The following ASB15 variants were observed in gnomAD, a reference collection of about 807,000 sequenced individuals.
ASB15 encodes ankyrin repeat and SOCS box protein 15.
In ASB15, 54 loss-of-function variants were observed where a neutral mutation model predicts 58.0. The ratio of observed to expected loss-of-function variants is 0.93; its 90% CI spans 0.75 to 1.17. The LOEUF is 1.17. ASB15 is among the 50% of genes most tolerant of loss of function. ASB15 has a pLI of 0.00. For missense variants in ASB15, 680 were observed against 707.4 expected (o/e 0.96, Z 0.44); for synonymous variants, 249 against 262.4 (o/e 0.95, Z 0.50).
intron 1 of ASB15, among the ~76,000 whole-genome samples, chr7:123,570,318 G>A (rs1798874730): frequency 6.6e-6 from 1 of 152,034 alleles, no homozygotes; most frequent in Non-Finnish European, 1.5e-5. Context: ...TTACAGGCGT[G>A]AGCCACCGCG....
At position 123,614,656 on chromosome 7, in the gene ASB15, C is replaced by T. The variant is rs1368208389; in HGVS notation, c.107+47C>T. On this transcript the variant is annotated intron_variant, in intron 4 of 11. Transcript: ENST00000451215. ...CTCAGCAAAATTTCTTTATGGCATT[C>T]ATTTTGTTGTAAGATAAAATGAATA... is the stretch of plus-strand genomic sequence containing the variant. The T allele has an allele frequency of 5.7e-6, 7 of 1,218,664 alleles. No individual in the cohort carries two copies. The Admixed American group carries it at 1.2e-4, about 22-fold the overall frequency. The allele number at this position is 1,218,664 out of a possible 1,614,324, so 75.5% of individuals were successfully genotyped here. A position where few individuals can be genotyped will look rare whatever the true frequency, so the allele number is the denominator to read the frequency against.
chr7:123,575,104 G>A (rs1332145723), intron 1 of ASB15, among the ~76,000 whole-genome samples: 2 of 144,928 alleles, frequency 1.4e-5, no homozygotes, highest in Admixed American at 6.9e-5. Flanking sequence ...TCTTTGCCTA[G>A]GCAGGCTGTT....
chr7:123,623,307 T>C (rs1562935059), intron 7 of ASB15: 1 of 152,192 alleles, frequency 6.6e-6, no homozygotes, highest in African/African-American at 2.4e-5. Flanking sequence ...ATCTGTATTT[T>C]AATAAGATTT....
At chr7:123,627,366 C>T in intron 9 of ASB15, 85 bp downstream of exon 9, 1 of 1,077,270 alleles carries the variant, frequency 9.3e-7, no homozygotes, top group South Asian at 2.9e-5. Flanking sequence ...TATGTAATAC[C>T]TTTCAAAATC....
At chr7:123,620,537 T>C (rs1801213377) in intron 7 of ASB15, among the ~76,000 whole-genome samples, 2 of 22,106 alleles carry the variant, frequency 9.0e-5, no homozygotes, top group Admixed American at 4.3e-4. Context: ...TATATATATA[T>C]ATATATATAT....
At chr7:123,605,713 G>A (rs531767420) in intron 2 of ASB15, among the ~76,000 whole-genome samples, 50 of 152,086 alleles carry the variant, frequency 3.3e-4, no homozygotes, top group Non-Finnish European at 6.5e-4. Flanking sequence ...TGGAGCTGTA[G>A]GGTCATTATC....
At chr7:123,623,942 A>AGAAG (rs1801558182) in intron 7 of ASB15, among the ~76,000 whole-genome samples, 1 of 48,170 alleles carries the variant, frequency 2.1e-5, no homozygotes, top group African/African-American at 7.4e-5. Context: ...AAAGAAAGAA[A>AGAAG]GAAAGAAAGA....
In ASB15 at chr7:123,596,374, G is replaced by C. The variant is rs963543077; in HGVS notation, c.-442-7658G>C. Reference sequence around the variant, plus strand: ...TACCTGTGATCCCAACACTTTGAAGGGTGGGTAGATTGCTCGAACTCAGGA... The same window carrying C: ...TACCTGTGATCCCAACACTTTGAAGCGTGGGTAGATTGCTCGAACTCAGGA... On this transcript the variant is annotated intron_variant, in intron 1 of 13. Coordinates refer to the ASB15 transcript ENST00000451558. The C allele has an allele frequency of 3.3e-5, 5 of 152,036 alleles. No individual in the cohort carries two copies. In the South Asian group the frequency reaches 1.0e-3, roughly 32 times the overall value. 9.4% of individuals were successfully genotyped at this position (152,036 alleles called of 1,614,324 possible).
chr7:123,621,991 A>T (rs973375411), intron 7 of ASB15, among the ~76,000 whole-genome samples: 2 of 152,136 alleles, frequency 1.3e-5, no homozygotes, highest in African/African-American at 4.8e-5. Context: ...CCATTCACAG[A>T]TCAGTTCATT....
chr7:123,605,016 G>T (rs142620219), intron 2 of ASB15, among the ~76,000 whole-genome samples: 1 of 151,934 alleles, frequency 6.6e-6, no homozygotes, highest in Non-Finnish European at 1.5e-5. Flanking sequence ...GAAATCAATG[G>T]CCTGTACATG....
chr7:123,572,614 T>C (rs1345360063), intron 1 of ASB15, among the ~76,000 whole-genome samples: 1 of 152,190 alleles, frequency 6.6e-6, no homozygotes, highest in African/African-American at 2.4e-5. Context: ...TCCTTATTAA[T>C]GCTTTTTCTT....
In ASB15 at chr7:123,636,775, A is replaced by C. The variant is rs770374583; in HGVS notation, c.1595-34A>C. ...CTTAGGGGCCAATCCACTATTTAAAAAATTTTTTTGCTTATTTTCCCGATT... is the reference window on the plus strand; with the variant it reads ...CTTAGGGGCCAATCCACTATTTAAACAATTTTTTTGCTTATTTTCCCGATT... On this transcript the variant is annotated intron_variant, in intron 11 of 11. Coordinates refer to ENST00000451215, the MANE Select transcript of ASB15 (RefSeq NM_001290258.2). 2.6e-6 allele frequency: 4 copies of C among 1,561,962 alleles called. No homozygotes were observed. The East Asian group carries it at 6.7e-5, about 26-fold the overall frequency.
chr7:123,578,217 A>G lies in ASB15; in HGVS notation c.-443+11129A>G, dbSNP rs189655121. On this transcript the variant is annotated intron_variant, in intron 1 of 13. Coordinates refer to the ASB15 transcript ENST00000451558. ...TAGATCATCTATTACTGTTTTCACTATTCACAAGCTACCTGCTGATATTTT... is the reference window on the plus strand; with the variant it reads ...TAGATCATCTATTACTGTTTTCACTGTTCACAAGCTACCTGCTGATATTTT... Among the ~76,000 whole-genome samples the G allele has an allele frequency of 4.3e-4, 65 of 150,722 alleles. No individual in the cohort carries two copies. The East Asian group carries it at 8.8e-3, about 20-fold the overall frequency.
chr7:123,616,847 AT>A (rs1427691191), intron 6 of ASB15, among the ~76,000 whole-genome samples: 2 of 152,172 alleles, frequency 1.3e-5, no homozygotes, highest in Non-Finnish European at 2.9e-5. Context: ...ATTTTGAACT[AT>A]CTCTTGAGTT....
chr7:123,618,991 T>C (rs911661917), intron 7 of ASB15, among the ~76,000 whole-genome samples: 24 of 151,826 alleles, frequency 1.6e-4, no homozygotes, highest in East Asian at 9.7e-4. Context: ...CTGGCCAGCA[T>C]GGTGAAACCC....
At chr7:123,630,918 T>C (rs1433004036) in intron 11 of ASB15, among the ~76,000 whole-genome samples, 3 of 152,200 alleles carry the variant, frequency 2.0e-5, no homozygotes, top group Non-Finnish European at 2.9e-5. Flanking sequence ...TTGCAGCAAC[T>C]AAAACAGGAG....
intron 8 of ASB15, among the ~76,000 whole-genome samples, chr7:123,625,113 A>G (rs1447292319): frequency 3.3e-5 from 5 of 152,218 alleles, no homozygotes; most frequent in African/African-American, 1.2e-4. Flanking sequence ...CTTCTCCTTA[A>G]CTGAATTCCT....
In ASB15 at chr7:123,616,423, GA is replaced by G. The variant is rs1800821946; in HGVS notation, c.225del (p.Gly76AspfsTer40). The stretch of plus-strand genomic sequence containing the variant: ...TAAATATGCAATGGATGAAGCTGAT[GA>G]AAAAGGATGGTTTCCATTGCATGAA... ...KYKYAMDEAD[E>X]KGWFPLHEAV... On this transcript the variant is annotated frameshift_variant, in exon 6 of 12. Coordinates refer to ENST00000451215, the MANE Select transcript of ASB15 (RefSeq NM_001290258.2). LOFTEE classifies it high-confidence loss of function. 1.2e-6 allele frequency: 2 copies of G among 1,608,202 alleles called. No individual in the cohort carries two copies. Among genetic ancestry groups the G allele is most frequent in the East Asian group, 4.5e-5 (2 of 44,778 alleles).
Position 123,637,166 on chromosome 7 carries a change from A to C in ASB15, c.*185A>C. 2.4e-6 allele frequency: 1 copy of C among 419,284 alleles called. No homozygotes were observed. The highest frequency in any genetic ancestry group is 4.2e-6 in the Non-Finnish European group (1 of 239,866). The allele number at this position is 419,284 out of a possible 1,614,324, so 26.0% of individuals were successfully genotyped here. A position where few individuals can be genotyped will look rare whatever the true frequency, so the allele number is the denominator to read the frequency against. On this transcript the variant is annotated 3_prime_UTR_variant, in exon 12 of 12. Transcript: ENST00000451215. ...CTTTAAAGACATTTGCATTTTTTAA[A>C]GATAGTATTTTGAACTTAGATTTGT...
Sources: gnomAD v4.1 joint callset for allele counts (sites outside exome capture counted in the v4.1 genomes callset) on GRCh38, gnomAD v4.1.1 for gene constraint, MANE v1.5 for transcripts, NCBI Gene and HGNC (gene_info 2026-07-23, HGNC 2026-07-21) for gene names.